Variants in MICAL2 observed in about 807,000 individuals in gnomAD.
The protein encoded by MICAL2 is [F-actin]-monooxygenase MICAL2.
MICAL2 carries 77 observed loss-of-function variants against 127.3 expected under a neutral mutation model. That is an observed-to-expected ratio of 0.60 (90% CI 0.50 to 0.73). The LOEUF is 0.73. MICAL2 is among the 30% of genes least tolerant of loss of function. MICAL2 has a pLI of 0.00. For missense variants in MICAL2, 1,351 were observed against 1,434.4 expected, an observed-to-expected ratio of 0.94 and a Z score of 0.94; for synonymous variants, 570 against 551.1, an observed-to-expected ratio of 1.03 and a Z score of -0.48.
chr11:12,203,187 C>T (rs1230559467), intron 3 of MICAL2, among the ~76,000 whole-genome samples: 1 of 152,164 alleles, frequency 6.6e-6, no homozygotes, highest in Non-Finnish European at 1.5e-5. Flanking sequence ...GTTGCTTTTA[C>T]TTTGGGGCTA....
chr11:12,118,182 C>A (rs1352041545), intron 1 of MICAL2, among the ~76,000 whole-genome samples: 1 of 152,104 alleles, frequency 6.6e-6, no homozygotes, highest in African/African-American at 2.4e-5. Context: ...AGTGACTTAC[C>A]CACACATACA....
chr11:12,271,327 C>G (rs1863673486), upstream of MICAL2, among the ~76,000 whole-genome samples: 1 of 152,188 alleles, frequency 6.6e-6, no homozygotes, highest in African/African-American at 2.4e-5. Flanking sequence ...TGGCTTCAGG[C>G]AAACTCTTAA....
intron 15 of MICAL2, among the ~76,000 whole-genome samples, chr11:12,235,017 T>C (rs972474791): frequency 1.3e-5 from 2 of 152,150 alleles, no homozygotes; most frequent in African/African-American, 4.8e-5. Context: ...GATGGCTCCC[T>C]GCAGAAGCGA....
chr11:12,228,668 G>A (rs893933054), intron 15 of MICAL2, among the ~76,000 whole-genome samples: 1 of 152,200 alleles, frequency 6.6e-6, no homozygotes. Context: ...TGGAAAGTCA[G>A]AGAGGGAGTC....
At chr11:12,277,050 G>A (rs952906385) in intron 1 of MICAL2, among the ~76,000 whole-genome samples, 9 of 151,882 alleles carry the variant, frequency 5.9e-5, no homozygotes, top group Admixed American at 2.0e-4. Context: ...ATTACACCAC[G>A]ATTGTGTAAA....
At chr11:12,339,879 G>A (rs891811142) in intron 32 of MICAL2, among the ~76,000 whole-genome samples, 6 of 152,134 alleles carry the variant, frequency 3.9e-5, no homozygotes, top group Non-Finnish European at 7.3e-5. Flanking sequence ...TCCCAGTTAG[G>A]CTACTCGGGG....
chr11:12,215,652 C>T (rs1303603419), intron 7 of MICAL2, among the ~76,000 whole-genome samples: 2 of 152,190 alleles, frequency 1.3e-5, no homozygotes, highest in African/African-American at 4.8e-5. Context: ...AATGCAGGAA[C>T]TTAGTGTGTA....
chr11:12,285,890 T>C (rs1012979417), intron 2 of MICAL2, among the ~76,000 whole-genome samples: 2 of 151,630 alleles, frequency 1.3e-5, no homozygotes, highest in African/African-American at 4.8e-5. Context: ...ATCATGCCCT[T>C]GGGCTTCCTT....
At chr11:12,289,556 GTT>G (rs755038754), downstream of MICAL2, among the ~76,000 whole-genome samples, 2,727 of 39,248 alleles carry the variant, frequency 0.069, 87 homozygotes, top group East Asian at 0.29. Flanking sequence ...GGCACCTCTT[GTT>G]TTTTTTTGTT....
chr11:12,229,353 G>A (rs557945521), intron 15 of MICAL2, among the ~76,000 whole-genome samples: 4 of 152,286 alleles, frequency 2.6e-5, no homozygotes, highest in African/African-American at 7.2e-5. Context: ...ACTCTGAGCC[G>A]GCCCAACCTA....
At chr11:12,237,596 C>T (rs1859263477) in intron 16 of MICAL2, among the ~76,000 whole-genome samples, 1 of 152,128 alleles carries the variant, frequency 6.6e-6, no homozygotes, top group African/African-American at 2.4e-5. Context: ...TATTGGCAAC[C>T]TAGGAGTTGG....
At chr11:12,129,636 C>CTTTTTTTTTTTT (rs559528778) in intron 1 of MICAL2, among the ~76,000 whole-genome samples, 57 of 97,440 alleles carry the variant, frequency 5.8e-4, no homozygotes, top group African/African-American at 2.2e-3. Flanking sequence ...TCTTCTTCTT[C>CTTTTTTTTTTTT]TTTTTTTTTT....
At chr11:12,337,971 C>T (rs529097683) in intron 32 of MICAL2, among the ~76,000 whole-genome samples, 40 of 152,018 alleles carry the variant, frequency 2.6e-4, no homozygotes, top group Admixed American at 1.2e-3. Context: ...CTAGTAGGTC[C>T]GCTTGGTGCA....
chr11:12,247,885 T>G (rs1405332326), intron 21 of MICAL2, among the ~76,000 whole-genome samples: 1 of 152,128 alleles, frequency 6.6e-6, no homozygotes, highest in Non-Finnish European at 1.5e-5. Context: ...CTCTTTTTGC[T>G]CAATGGACCC....
chr11:12,228,843 G>A (rs1417050240), intron 15 of MICAL2, among the ~76,000 whole-genome samples: 1 of 152,164 alleles, frequency 6.6e-6, no homozygotes, highest in Non-Finnish European at 1.5e-5. Context: ...GGAGTTCCTG[G>A]GGTGGTCAGT....
At chr11:12,261,111 C>T (rs552454620) in intron 26 of MICAL2, 2 of 985,532 alleles carry the variant, frequency 2.0e-6, no homozygotes, top group Admixed American at 6.1e-5. Flanking sequence ...AAGACTCTGT[C>T]CACTTATGTG....
At chr11:12,308,520 T>C (rs1864138455) in intron 29 of MICAL2, among the ~76,000 whole-genome samples, 1 of 152,238 alleles carries the variant, frequency 6.6e-6, no homozygotes, top group East Asian at 1.9e-4. Flanking sequence ...ATGTTTTTGT[T>C]GCCATTGTAA....
chr11:12,285,060 A>G (rs1269145916), intron 2 of MICAL2, among the ~76,000 whole-genome samples: 1 of 152,158 alleles, frequency 6.6e-6, no homozygotes, highest in Non-Finnish European at 1.5e-5. Context: ...AAACTCGGGG[A>G]TCAGGATTTT....
intron 3 of MICAL2, among the ~76,000 whole-genome samples, chr11:12,186,457 T>C (rs991172124): frequency 1.3e-5 from 2 of 152,208 alleles, no homozygotes; most frequent in African/African-American, 4.8e-5. Context: ...CCACATGCAC[T>C]GTATGTGTAT....
Sources: allele counts gnomAD v4.1 joint callset (sites outside exome capture counted in the v4.1 genomes callset), GRCh38; gene constraint gnomAD v4.1.1; transcripts MANE v1.5; gene names NCBI Gene and HGNC (gene_info 2026-07-23, HGNC 2026-07-21).